The following CDH23 variants were observed in gnomAD, a reference collection of about 807,000 sequenced individuals.
CDH23 encodes the protein cadherin related 23.
CDH23 carries 189 observed loss-of-function variants against 317.1 expected under a neutral mutation model. The ratio of observed to expected loss-of-function variants is 0.60; its 90% CI spans 0.53 to 0.67. CDH23 has a LOEUF of 0.67. Ranked by LOEUF, CDH23 falls within the 30% of genes least tolerant of loss-of-function variation. The probability of loss-of-function intolerance (pLI) is 0.00; values close to 1 mark genes in which losing one functional copy is unlikely to be tolerated. For missense variants in CDH23, 4,401 were observed against 4,592.4 expected (o/e 0.96, Z 1.20); for synonymous variants, 1,839 against 1,876.8 (o/e 0.98, Z 0.52).
intron 3 of CDH23, among the ~76,000 whole-genome samples, chr10:71,492,991 C>T (rs751990861): frequency 3.3e-5 from 5 of 152,216 alleles, no homozygotes; most frequent in South Asian, 2.1e-4. Flanking sequence ...GGAACCTCAG[C>T]GCCTGACTCC....
At chr10:71,731,894 A>C (rs1589382282) in intron 31 of CDH23, 93 bp from the exon 32 acceptor site, 1 of 1,428,418 alleles carries the variant, frequency 7.0e-7, no homozygotes, top group Non-Finnish European at 9.4e-7. Context: ...TGGGTGGGCC[A>C]CCCAGGGGGT....
chr10:71,646,228 C>G (rs1862850181), intron 13 of CDH23, among the ~76,000 whole-genome samples: 1 of 152,222 alleles, frequency 6.6e-6, no homozygotes, highest in African/African-American at 2.4e-5. Context: ...GCCTCTGCAA[C>G]CCATCTCCTG....
chr10:71,777,965 C>G, intron 39 of CDH23, 64 bp downstream of exon 39: 1 of 1,558,436 alleles, frequency 6.4e-7, no homozygotes. Context: ...GCAAGGAGTT[C>G]AGTGACACTG....
intron 14 of CDH23, among the ~76,000 whole-genome samples, chr10:71,670,572 T>G (rs984958322): frequency 2.0e-5 from 3 of 151,840 alleles, no homozygotes; most frequent in African/African-American, 7.3e-5. Context: ...GGATCAGAGT[T>G]TGGAAGGCAG....
chr10:71,807,840 C>CT lies in CDH23; in HGVS notation c.8561-5dup, dbSNP rs1841783148. 1 of 1,598,762 alleles carries CT rather than the reference C, an allele frequency of 6.3e-7. No homozygotes were observed. Among genetic ancestry groups the CT allele is most frequent in the Non-Finnish European group, 8.5e-7 (1 of 1,172,648 alleles). The stretch of plus-strand genomic sequence containing the variant: ...TGCCACTTACACCACCTGCCTCTTC[C>CT]TGCAGGGGTGGCCACCGACGCCAAG... On this transcript the variant is annotated splice_polypyrimidine_tract_variant and splice_region_variant and intron_variant, in intron 59 of 69. Transcript: ENST00000224721.
rs569161974 is a variant in CDH23 at position 71,728,933 on chromosome 10, C to T, written c.3580-1536C>T. Among the ~76,000 whole-genome samples, 55 of 151,948 alleles carry T rather than the reference C, an allele frequency of 3.6e-4. 1 individual carries two copies. Among genetic ancestry groups the T allele is most frequent in the Middle Eastern group, 3.4e-3 (1 of 294 alleles). ...CTGGTCTCAAACTCCTGGGCTCAAGCGATCCTCTTGCCTCCGCCTCCCTAG... is the reference window on the plus strand; with the variant it reads ...CTGGTCTCAAACTCCTGGGCTCAAGTGATCCTCTTGCCTCCGCCTCCCTAG... On this transcript the variant is annotated intron_variant, in intron 30 of 69. Transcript: ENST00000224721.
intron 14 of CDH23, among the ~76,000 whole-genome samples, chr10:71,652,947 C>A (rs1863246328): frequency 6.6e-6 from 1 of 152,194 alleles, no homozygotes; most frequent in Admixed American, 6.5e-5. Flanking sequence ...GGGAGCCATT[C>A]TTGCTGTTTA....
rs373269394 is a variant in CDH23 at position 71,695,522 on chromosome 10, C to T, written c.2394C>T (p.Thr798=). The T allele has an allele frequency of 1.9e-4, 301 of 1,604,780 alleles. No individual in the cohort carries two copies. Among genetic ancestry groups the T allele is most frequent in the Non-Finnish European group, 2.4e-4 (285 of 1,171,612 alleles). The part of the protein sequence containing the change: ...VEMTPPDSDV[T]TVVAVDPDLG... Reference sequence around the variant, plus strand: ...TGACCCCTCCAGACTCTGATGTGACCACGGTAGGTGGTGGCAGAGCAGCAG... The same window carrying T: ...TGACCCCTCCAGACTCTGATGTGACTACGGTAGGTGGTGGCAGAGCAGCAG... Residue 798 remains threonine, a synonymous_variant, in exon 22 of 70, where the codon ACC becomes ACT. Transcript: ENST00000224721.
intron 9 of CDH23, among the ~76,000 whole-genome samples, chr10:71,580,890 C>G (rs1408034232): frequency 6.6e-6 from 1 of 151,998 alleles, no homozygotes; most frequent in Non-Finnish European, 1.5e-5. Context: ...TGGGCTGGCA[C>G]AGTCTCCCTG....
intron 3 of CDH23, among the ~76,000 whole-genome samples, chr10:71,473,012 G>A (rs1851598933): frequency 6.6e-6 from 1 of 152,136 alleles, no homozygotes; most frequent in South Asian, 2.1e-4. Flanking sequence ...CATTACCCTG[G>A]GCTGGAACTC....
intron 6 of CDH23, among the ~76,000 whole-genome samples, chr10:71,523,725 C>T (rs1313049688): frequency 3.3e-5 from 5 of 152,282 alleles, no homozygotes; most frequent in South Asian, 4.2e-4. Flanking sequence ...ATGTATTCTC[C>T]ATCCATCCAT....
At chr10:71,612,284 G>A (rs1234314957) in intron 9 of CDH23, among the ~76,000 whole-genome samples, 1 of 151,632 alleles carries the variant, frequency 6.6e-6, no homozygotes, top group African/African-American at 2.4e-5. Flanking sequence ...GTTGAATGTG[G>A]ACTGTGTGGG....
intron 6 of CDH23, among the ~76,000 whole-genome samples, chr10:71,549,288 C>T (rs1286951327): frequency 2.6e-5 from 4 of 152,220 alleles, no homozygotes; most frequent in South Asian, 2.1e-4. Context: ...TATTGTTTCA[C>T]CTGTTTGCCA....
At chr10:71,607,719 A>G (rs1057138445) in intron 9 of CDH23, among the ~76,000 whole-genome samples, 1 of 152,226 alleles carries the variant, frequency 6.6e-6, no homozygotes, top group Admixed American at 6.5e-5. Context: ...CCTGGGCAAC[A>G]TGGTGAAACC....
Position 71,803,099 on chromosome 10 carries a change from C to G in CDH23, c.7660+24C>G, listed in dbSNP as rs757597473. The stretch of plus-strand genomic sequence containing the variant: ...GGGTATGTGGCCTTCCTTGGACACC[C>G]ATGATGTCTTGGGGGGTGGGAGGGG... On this transcript the variant is annotated intron_variant, in intron 54 of 69. Transcript: ENST00000224721. The G allele has an allele frequency of 2.1e-5, 33 of 1,579,068 alleles. 1 individual carries two copies. In the South Asian group the frequency reaches 2.8e-4, roughly 13 times the overall value.
At chr10:71,694,383 C>T (rs1865297687) in intron 21 of CDH23, 124 bp downstream of exon 21, 4 of 715,200 alleles carry the variant, frequency 5.6e-6, no homozygotes, top group South Asian at 3.6e-5. Flanking sequence ...AGCAAGGGGG[C>T]GAAAATGAAC....
At chr10:71,712,501 G>A (rs1412914584) in intron 27 of CDH23, 164 bp from the exon 28 acceptor site, 2 of 657,948 alleles carry the variant, frequency 3.0e-6, no homozygotes, top group African/African-American at 3.6e-5. Context: ...GATACTGTTA[G>A]TGTTATTCCT....
intron 6 of CDH23, among the ~76,000 whole-genome samples, chr10:71,551,709 C>G (rs1273634964): frequency 1.3e-5 from 2 of 152,154 alleles, no homozygotes; most frequent in African/African-American, 4.8e-5. Context: ...CATGAGAAGA[C>G]TATCAGACTG....
intron 38 of CDH23, among the ~76,000 whole-genome samples, chr10:71,773,945 G>A (rs532016899): frequency 6.6e-6 from 1 of 152,198 alleles, no homozygotes; most frequent in East Asian, 1.9e-4. Context: ...GAATGAGTGA[G>A]TAAATGAGTG....
Sources: allele counts gnomAD v4.1 joint callset (sites outside exome capture counted in the v4.1 genomes callset), GRCh38; gene constraint gnomAD v4.1.1; transcripts MANE v1.5; gene names NCBI Gene and HGNC (gene_info 2026-07-23, HGNC 2026-07-21).